KCNH5: variants seen among roughly 807,000 people sequenced by gnomAD.
KCNH5 encodes potassium voltage-gated channel subfamily H member 5.
Under a neutral mutation model 96.1 loss-of-function variants are expected in KCNH5, and 46 were observed. That is an observed-to-expected ratio of 0.48 (90% CI 0.38 to 0.61). KCNH5 has a LOEUF of 0.61. Ranked by LOEUF, KCNH5 falls within the 20% of genes least tolerant of loss-of-function variation. The probability of loss-of-function intolerance (pLI) is 0.00; values close to 1 mark genes in which losing one functional copy is unlikely to be tolerated. For missense variants in KCNH5, 907 were observed against 1,225.8 expected (o/e 0.74, Z 3.88); for synonymous variants, 439 against 449.8 (o/e 0.98, Z 0.30).
chr14:62,947,045 C>T (rs1889901463), intron 7 of KCNH5, among the ~76,000 whole-genome samples: 1 of 152,054 alleles, frequency 6.6e-6, no homozygotes. Context: ...GAGCTATACA[C>T]ACACATTATA....
At chr14:63,022,327 C>T (rs1040535047) in intron 1 of KCNH5, among the ~76,000 whole-genome samples, 3 of 152,268 alleles carry the variant, frequency 2.0e-5, no homozygotes, top group Middle Eastern at 3.4e-3. Context: ...CCATGATCAT[C>T]ACCCAACTCC....
At position 63,016,856 on chromosome 14, in the gene KCNH5, C is replaced by T. The variant is rs1057417977; in HGVS notation, c.172G>A (p.Val58Ile). The change falls in exon 2 of 11, where the codon GTC becomes ATC. Residue 58 changes from valine (V) to isoleucine (I), a missense_variant. Val to Ile is a conservative substitution (Grantham distance 29, BLOSUM62 3). This residue lies in a region of KCNH5 where 370 missense variants were observed against 561.3 expected (regional missense o/e 0.66). Transcript: ENST00000322893. ...CTGCAAGTGCTGCTTTTCTGCATGACGTCAGCTCGATGATATCCAGAGAGT... is the reference window on the plus strand; with the variant it reads ...CTGCAAGTGCTGCTTTTCTGCATGATGTCAGCTCGATGATATCCAGAGAGT... ...CKLSGYHRAD[V>I]MQKSSTCSFM... 1.2e-5 allele frequency: 19 copies of T among 1,611,182 alleles called. No homozygotes were observed. Among genetic ancestry groups the T allele is most frequent in the Non-Finnish European group, 1.4e-5 (16 of 1,178,302 alleles).
intron 8 of KCNH5, among the ~76,000 whole-genome samples, chr14:62,819,269 G>T (rs1327686575): frequency 4.6e-5 from 7 of 152,084 alleles, no homozygotes; most frequent in Admixed American, 1.3e-4. Context: ...GCCTGGCCAA[G>T]AATATTCTTT....
At chr14:62,813,176 T>TGA (rs1342583719) in intron 8 of KCNH5, among the ~76,000 whole-genome samples, 2 of 152,190 alleles carry the variant, frequency 1.3e-5, no homozygotes, top group African/African-American at 2.4e-5. Context: ...CAACTGTGTA[T>TGA]GAGAGTATGT....
intron 8 of KCNH5, among the ~76,000 whole-genome samples, chr14:62,835,957 T>C (rs1887458638): frequency 6.6e-6 from 1 of 152,036 alleles, no homozygotes; most frequent in African/African-American, 2.4e-5. Flanking sequence ...ATAAATTTAA[T>C]ATCAGGAATA....
intron 10 of KCNH5, among the ~76,000 whole-genome samples, chr14:62,761,179 AC>A (rs2139955831): frequency 6.6e-6 from 1 of 152,040 alleles, no homozygotes; most frequent in South Asian, 2.1e-4. Flanking sequence ...ATGTGGAGAA[AC>A]CCCGTCTCTA....
intron 7 of KCNH5, among the ~76,000 whole-genome samples, chr14:62,936,581 A>G (rs1889684316): frequency 6.6e-6 from 1 of 151,214 alleles, no homozygotes; most frequent in South Asian, 2.1e-4. Context: ...AGGCTGAGAC[A>G]TGAGAATTGC....
intron 8 of KCNH5, among the ~76,000 whole-genome samples, chr14:62,841,100 T>TA (rs201480346): frequency 8.6e-5 from 13 of 150,498 alleles, no homozygotes; most frequent in Admixed American, 2.0e-4. Context: ...TCATTACCAT[T>TA]AAAAAAAAAT....
intron 10 of KCNH5, among the ~76,000 whole-genome samples, chr14:62,732,719 G>A (rs1795396150): frequency 6.6e-6 from 1 of 152,126 alleles, no homozygotes; most frequent in Non-Finnish European, 1.5e-5. Flanking sequence ...TGACCAATGG[G>A]AAGCACTAGA....
intron 2 of KCNH5, among the ~76,000 whole-genome samples, chr14:63,008,366 C>A (rs1230085175): frequency 6.6e-6 from 1 of 151,694 alleles, no homozygotes; most frequent in Non-Finnish European, 1.5e-5. Context: ...CTGAAAATAC[C>A]AATCAATAAA....
intron 3 of KCNH5, 62 bp downstream of exon 3, chr14:63,006,304 G>C (rs1046042448): frequency 9.4e-7 from 1 of 1,060,378 alleles, no homozygotes; most frequent in African/African-American, 1.6e-5. Flanking sequence ...GCTCCACTAC[G>C]ACTTACCAAA....
chr14:62,969,989 GACTGCGCC>G (rs1890373795), intron 6 of KCNH5, among the ~76,000 whole-genome samples: 1 of 132,752 alleles, frequency 7.5e-6, no homozygotes, highest in South Asian at 2.4e-4. Context: ...AGTGAGCTGA[GACTGCGCC>G]ACTGCACTCC....
intron 8 of KCNH5, among the ~76,000 whole-genome samples, chr14:62,848,274 T>C (rs540485961): frequency 2.1e-4 from 32 of 152,300 alleles, no homozygotes; most frequent in African/African-American, 5.8e-4. Flanking sequence ...TCTGTTACTC[T>C]CACCTTCACT....
intron 7 of KCNH5, among the ~76,000 whole-genome samples, chr14:62,900,978 A>G (rs1489328008): frequency 1.3e-5 from 2 of 151,918 alleles, no homozygotes; most frequent in African/African-American, 4.8e-5. Context: ...AATGCTTCCT[A>G]TCTTTTTGTT....
chr14:62,822,682 C>G (rs925372847), intron 8 of KCNH5, among the ~76,000 whole-genome samples: 1 of 145,826 alleles, frequency 6.9e-6, no homozygotes, highest in African/African-American at 2.6e-5. Context: ...AAAAAAAAAG[C>G]TTTTTAGAAA....
At chr14:62,742,209 G>C (rs944553229) in intron 10 of KCNH5, among the ~76,000 whole-genome samples, 10 of 152,234 alleles carry the variant, frequency 6.6e-5, no homozygotes, top group Non-Finnish European at 1.5e-4. Flanking sequence ...ACTTATTTTA[G>C]ATTTTTTACA....
intron 7 of KCNH5, among the ~76,000 whole-genome samples, chr14:62,888,717 A>C (rs1487463481): frequency 6.6e-6 from 1 of 152,192 alleles, no homozygotes; most frequent in Non-Finnish European, 1.5e-5. Context: ...CCAAACCATA[A>C]TAATATCATT....
intron 10 of KCNH5, among the ~76,000 whole-genome samples, chr14:62,736,229 A>G (rs1885153388): frequency 2.6e-5 from 4 of 152,180 alleles, no homozygotes. Flanking sequence ...TTGACATGTA[A>G]GATGAAAACA....
chr14:63,001,593 T>C, intron 3 of KCNH5, 134 bp from the exon 4 acceptor site: 1 of 691,780 alleles, frequency 1.4e-6, no homozygotes, highest in Middle Eastern at 2.6e-4. Flanking sequence ...AACAGTATAT[T>C]AATTACTACA....
Sources: allele counts gnomAD v4.1 joint callset (sites outside exome capture counted in the v4.1 genomes callset), GRCh38; gene constraint gnomAD v4.1.1; regional missense constraint gnomAD v4.1.1; transcripts MANE v1.5; gene names NCBI Gene and HGNC (gene_info 2026-07-23, HGNC 2026-07-21).